PTPRJ: variants seen among roughly 807,000 people sequenced by gnomAD.
PTPRJ encodes the protein receptor-type tyrosine-protein phosphatase eta.
A neutral mutation model predicts 141.3 loss-of-function variants in PTPRJ; 129 were observed. That is an observed-to-expected ratio of 0.91 (90% confidence interval 0.79 to 1.06). The LOEUF (loss-of-function observed/expected upper bound fraction) is 1.06. Among genes scored for constraint, PTPRJ ranks in the 50% least tolerant of loss-of-function variants. PTPRJ has a pLI of 0.00. For synonymous variants in PTPRJ, 610 were observed against 640.5 expected (o/e 0.95, Z 0.72); for missense variants, 1,601 against 1,679.7 (o/e 0.95, Z 0.82).
At chr11:47,998,079 T>TA (rs1854391286) in intron 1 of PTPRJ, among the ~76,000 whole-genome samples, 1 of 151,992 alleles carries the variant, frequency 6.6e-6, no homozygotes, top group African/African-American at 2.4e-5. Context: ...AAACAGCTCC[T>TA]AGCACAGTGT....
intron 1 of PTPRJ, among the ~76,000 whole-genome samples, chr11:48,036,461 G>T (rs1429927338): frequency 6.6e-6 from 1 of 152,138 alleles, no homozygotes; most frequent in Non-Finnish European, 1.5e-5. Flanking sequence ...CAGGTTTAAA[G>T]TCGTATTTTT....
intron 12 of PTPRJ, among the ~76,000 whole-genome samples, chr11:48,143,351 G>A (rs1857277818): frequency 6.6e-6 from 1 of 152,210 alleles, no homozygotes; most frequent in African/African-American, 2.4e-5. Flanking sequence ...GAATGAGTGG[G>A]ACCATTCCCA....
At chr11:48,013,764 C>T (rs956308199) in intron 1 of PTPRJ, among the ~76,000 whole-genome samples, 2 of 152,064 alleles carry the variant, frequency 1.3e-5, no homozygotes, top group Non-Finnish European at 2.9e-5. Flanking sequence ...TGTGATGCAC[C>T]CTGTGGGCGG....
At chr11:48,038,573 C>T (rs1331732205) in intron 1 of PTPRJ, among the ~76,000 whole-genome samples, 2 of 151,834 alleles carry the variant, frequency 1.3e-5, no homozygotes, top group Admixed American at 6.6e-5. Flanking sequence ...CTCACTGCAA[C>T]CTCCGCCTCC....
intron 10 of PTPRJ, among the ~76,000 whole-genome samples, chr11:48,138,202 G>A (rs965303351): frequency 6.6e-6 from 1 of 152,222 alleles, no homozygotes; most frequent in African/African-American, 2.4e-5. Context: ...TGGCTTTTCA[G>A]TGGTGAGTGG....
At chr11:48,143,930 G>C (rs1857293677) in intron 12 of PTPRJ, among the ~76,000 whole-genome samples, 3 of 150,824 alleles carry the variant, frequency 2.0e-5, no homozygotes, top group Admixed American at 1.3e-4. Context: ...TGTTGCCCAG[G>C]CTGGTCTTGA....
intron 15 of PTPRJ, among the ~76,000 whole-genome samples, chr11:48,149,195 C>T (rs1857419556): frequency 1.3e-5 from 2 of 152,102 alleles, no homozygotes; most frequent in Non-Finnish European, 1.5e-5. Context: ...TTAAAAGTGA[C>T]TTGGATATGA....
At position 48,051,581 on chromosome 11, in the gene PTPRJ, T is replaced by A. The variant is rs140923364; in HGVS notation, c.97-58477T>A. ...TCTCATCTGGACATCAGAATCATTA[T>A]GTTAATGATAACTAAGAGCAGTTGA... is the stretch of plus-strand genomic sequence containing the variant. On this transcript the variant is annotated intron_variant, in intron 1 of 24. Coordinates refer to ENST00000418331, the MANE Select transcript of PTPRJ (RefSeq NM_002843.4). Among the ~76,000 whole-genome samples the A allele has an allele frequency of 9.6e-4, 146 of 152,360 alleles. 1 individual carries two copies. The highest frequency in any genetic ancestry group is 3.3e-3 in the African/African-American group (137 of 41,584).
At chr11:48,131,527 G>A (rs77327157) in intron 8 of PTPRJ, 6 of 775,722 alleles carry the variant, frequency 7.7e-6, no homozygotes, top group Non-Finnish European at 1.4e-5. Flanking sequence ...TTGAACACCT[G>A]CCTGGAATTC....
At chr11:48,109,938 T>G (rs1856396248) in intron 1 of PTPRJ, 120 bp from the exon 2 acceptor site, 1 of 1,131,384 alleles carries the variant, frequency 8.8e-7, no homozygotes, top group Admixed American at 1.8e-5. Flanking sequence ...AGCAGACCTT[T>G]GCTTAATGTG....
At chr11:48,098,010 C>T (rs1856057122) in intron 1 of PTPRJ, among the ~76,000 whole-genome samples, 1 of 152,158 alleles carries the variant, frequency 6.6e-6, no homozygotes, top group South Asian at 2.1e-4. Context: ...CTGGATAAGT[C>T]ACTTTACCTT....
chr11:48,071,670 G>A (rs1211557296), intron 1 of PTPRJ, among the ~76,000 whole-genome samples: 5 of 139,610 alleles, frequency 3.6e-5, no homozygotes, highest in African/African-American at 1.4e-4. Flanking sequence ...GTGCAGTGGC[G>A]CCATCTTGGC....
At chr11:48,112,645 C>T in intron 2 of PTPRJ, 102 bp from the exon 3 acceptor site, 1 of 847,794 alleles carries the variant, frequency 1.2e-6, no homozygotes, top group Non-Finnish European at 1.9e-6. Context: ...TCAGTTTTTC[C>T]AAGTGTGCAT....
At chr11:48,061,036 T>C (rs1262468482) in intron 1 of PTPRJ, among the ~76,000 whole-genome samples, 1 of 152,158 alleles carries the variant, frequency 6.6e-6, no homozygotes, top group Non-Finnish European at 1.5e-5. Context: ...GTTTTGCTCT[T>C]GTTGCCCAGG....
At chr11:48,088,193 C>A (rs1484013354) in intron 1 of PTPRJ, among the ~76,000 whole-genome samples, 1 of 152,188 alleles carries the variant, frequency 6.6e-6, no homozygotes, top group Non-Finnish European at 1.5e-5. Flanking sequence ...GACATGTCCC[C>A]TTCTTGGAGA....
At position 48,019,783 on chromosome 11, in the gene PTPRJ, C is replaced by T. The variant is rs183563292; in HGVS notation, c.96+38775C>T. Among the ~76,000 whole-genome samples, 342 of 152,256 alleles carry T rather than the reference C, an allele frequency of 2.2e-3. 1 individual carries two copies. The highest frequency in any genetic ancestry group is 7.8e-3 in the African/African-American group (326 of 41,542). On this transcript the variant is annotated intron_variant, in intron 1 of 24. Transcript: ENST00000418331. ...AGGCAGTTCTTTAGAATTCCTAGTC[C>T]GTGTTGTGTACACAGCGATAGGCTG...
chr11:48,127,478 C>T (rs1856867922), intron 6 of PTPRJ, among the ~76,000 whole-genome samples: 2 of 152,166 alleles, frequency 1.3e-5, no homozygotes, highest in Non-Finnish European at 1.5e-5. Context: ...GTGCCCCTGG[C>T]CCTAGGGTAA....
rs528924300 is a variant in PTPRJ, at chr11:48,109,934, C to A, written c.97-124C>A. 87 of 1,075,920 alleles carry A rather than the reference C, an allele frequency of 8.1e-5. No individual in the cohort carries two copies. In the African/African-American group the frequency reaches 1.1e-3, roughly 14 times the overall value. 66.6% of individuals were successfully genotyped at this position (1,075,920 alleles called of 1,614,324 possible). ...AGACGGCCTAACCCTGACCAGCAGACCTTTGCTTAATGTGCTTCTTACCAC... is the reference window on the plus strand; with the variant it reads ...AGACGGCCTAACCCTGACCAGCAGAACTTTGCTTAATGTGCTTCTTACCAC... On this transcript the variant is annotated intron_variant, in intron 1 of 24. Transcript: ENST00000418331.
At chr11:48,080,831 G>A (rs1855538531) in intron 1 of PTPRJ, among the ~76,000 whole-genome samples, 1 of 152,168 alleles carries the variant, frequency 6.6e-6, no homozygotes, top group Non-Finnish European at 1.5e-5. Context: ...ACTGTGTCAT[G>A]CCTCCCCTTG....
Sources: allele counts gnomAD v4.1 joint callset (sites outside exome capture counted in the v4.1 genomes callset), GRCh38; gene constraint gnomAD v4.1.1; transcripts MANE v1.5; gene names NCBI Gene and HGNC (gene_info 2026-07-23, HGNC 2026-07-21).